Variants in GRIP1 observed in about 807,000 individuals in gnomAD.
GRIP1 encodes glutamate receptor interacting protein 1.
In GRIP1, 45 loss-of-function variants were observed where a neutral mutation model predicts 129.9. That is an observed-to-expected ratio of 0.35 (90% CI 0.27 to 0.44). The LOEUF (loss-of-function observed/expected upper bound fraction) is 0.44, where lower values mean the gene tolerates loss of function less well. Ranked by LOEUF, GRIP1 falls within the 20% of genes least tolerant of loss-of-function variation. The pLI, the probability that GRIP1 is intolerant of heterozygous loss-of-function variation, is 1.00. For missense variants in GRIP1, 1,196 were observed against 1,396.8 expected (o/e 0.86, Z 2.29); for synonymous variants, 530 against 520.8 (o/e 1.02, Z -0.24).
At chr12:66,843,636 T>G (rs971724711) in intron 1 of GRIP1, among the ~76,000 whole-genome samples, 2 of 152,122 alleles carry the variant, frequency 1.3e-5, no homozygotes, top group Admixed American at 6.5e-5. Context: ...GAATAAGGAA[T>G]GCCCAAATAA....
intron 1 of GRIP1, among the ~76,000 whole-genome samples, chr12:66,611,374 C>T (rs2064785273): frequency 6.6e-6 from 1 of 152,118 alleles, no homozygotes. Flanking sequence ...TGTCAAATAT[C>T]TACAAACCTA....
intron 7 of GRIP1, among the ~76,000 whole-genome samples, chr12:66,491,334 C>T (rs2060098512): frequency 6.6e-6 from 1 of 152,062 alleles, no homozygotes; most frequent in African/African-American, 2.4e-5. Context: ...GAGTTGGAAG[C>T]CATTATCCTC....
At chr12:66,945,359 C>A (rs1286726920) in intron 1 of GRIP1, among the ~76,000 whole-genome samples, 6 of 152,120 alleles carry the variant, frequency 3.9e-5, no homozygotes, top group African/African-American at 1.2e-4. Context: ...CCTGCACTAA[C>A]CTGTTCTTGT....
intron 1 of GRIP1, among the ~76,000 whole-genome samples, chr12:66,838,187 T>C (rs1292413516): frequency 7.3e-6 from 1 of 137,522 alleles, no homozygotes; most frequent in Non-Finnish European, 1.5e-5. Context: ...AGACTCCACC[T>C]AAAAAAAAAA....
chr12:66,832,724 C>A (rs1793015934), intron 1 of GRIP1, among the ~76,000 whole-genome samples: 1 of 152,048 alleles, frequency 6.6e-6, no homozygotes, highest in Admixed American at 6.6e-5. Flanking sequence ...TTTCTCTGGC[C>A]TTAGGCAAAT....
Position 66,725,319 on chromosome 12 carries a change from C to T in GRIP1, c.-420+78734G>A, listed in dbSNP as rs1487755125. Among the ~76,000 whole-genome samples, 9 of 151,584 alleles carry T rather than the reference C, an allele frequency of 5.9e-5. No homozygotes were observed. The South Asian group carries it at 1.3e-3, about 21-fold the overall frequency. The stretch of plus-strand genomic sequence containing the variant: ...GCCTGTCTCAAAAAAACACAAAAAT[C>T]GAAAACAAACAAAAATAAAAGTAAT... On this transcript the variant is annotated intron_variant, in intron 1 of 4. Coordinates refer to the GRIP1 transcript ENST00000538373.
intron 15 of GRIP1, among the ~76,000 whole-genome samples, chr12:66,407,665 G>A (rs2057243436): frequency 6.6e-6 from 1 of 152,202 alleles, no homozygotes; most frequent in East Asian, 1.9e-4. Context: ...CCTAGGCAGA[G>A]GGGAATCACC....
chr12:66,449,644 G>A (rs965855447), intron 11 of GRIP1, among the ~76,000 whole-genome samples: 12 of 152,196 alleles, frequency 7.9e-5, no homozygotes, highest in African/African-American at 2.9e-4. Flanking sequence ...TTTCGCTGAT[G>A]TAGAGTGTAC....
intron 1 of GRIP1, among the ~76,000 whole-genome samples, chr12:66,694,005 T>C (rs936176309): frequency 6.6e-6 from 1 of 152,192 alleles, no homozygotes; most frequent in African/African-American, 2.4e-5. Flanking sequence ...TCTCCAGATT[T>C]CTTAGCACTC....
chr12:66,864,199 T>G (rs1441665282), intron 1 of GRIP1, among the ~76,000 whole-genome samples: 1 of 152,160 alleles, frequency 6.6e-6, no homozygotes, highest in Non-Finnish European at 1.5e-5. Flanking sequence ...TTTCTCTTTT[T>G]CTTCTTTAAA....
chr12:66,826,937 A>T (rs1592882533), intron 1 of GRIP1, among the ~76,000 whole-genome samples: 1 of 152,256 alleles, frequency 6.6e-6, no homozygotes, highest in South Asian at 2.1e-4. Context: ...AATCAATAAT[A>T]TACATCCAAA....
intron 1 of GRIP1, among the ~76,000 whole-genome samples, chr12:66,910,147 C>G (rs1327026317): frequency 6.6e-6 from 1 of 152,138 alleles, no homozygotes; most frequent in Non-Finnish European, 1.5e-5. Context: ...TGTTTGGAAG[C>G]AAGACTTAGG....
intron 1 of GRIP1, among the ~76,000 whole-genome samples, chr12:66,921,873 T>TCTAATTTTTAACTTCTC (rs1287073787): frequency 4.6e-5 from 7 of 152,332 alleles, no homozygotes; most frequent in African/African-American, 1.4e-4. Context: ...TTTAACTTCT[T>TCTAATTTTTAACTTCTC]CTAATCTTTA....
rs1222985472 is a variant in GRIP1, at chr12:66,840,428, G to GT, written c.58+228621dup. 3.3e-5 allele frequency among the ~76,000 whole-genome samples: 5 copies of GT among 152,156 alleles called. No homozygotes were observed. The East Asian group carries it at 5.8e-4, about 18-fold the overall frequency. ...TGCTGGGGAATGACTACAAAACAAC[G>GT]TAAGAGGCAACTTTTAAAAAAGAAA... On this transcript the variant is annotated intron_variant, in intron 1 of 1. Coordinates refer to the GRIP1 transcript ENST00000643019.
chr12:66,467,674 C>T (rs2059324769), intron 7 of GRIP1, among the ~76,000 whole-genome samples: 1 of 152,210 alleles, frequency 6.6e-6, no homozygotes, highest in East Asian at 1.9e-4. Flanking sequence ...AATATGATGC[C>T]TCTGGCTCCA....
intron 1 of GRIP1, among the ~76,000 whole-genome samples, chr12:66,685,616 A>T (rs1209688277): frequency 1.3e-5 from 2 of 152,176 alleles, no homozygotes; most frequent in Non-Finnish European, 2.9e-5. Context: ...AAGGAAAGAA[A>T]CACAGCTACT....
chr12:66,369,054 G>A (rs2055318938), intron 23 of GRIP1, among the ~76,000 whole-genome samples: 1 of 152,202 alleles, frequency 6.6e-6, no homozygotes, highest in Non-Finnish European at 1.5e-5. Flanking sequence ...GGCTTACAAT[G>A]TCTAGGACAC....
At chr12:66,481,199 C>T (rs1220090395) in intron 7 of GRIP1, among the ~76,000 whole-genome samples, 2 of 148,230 alleles carry the variant, frequency 1.3e-5, no homozygotes, top group African/African-American at 5.0e-5. Flanking sequence ...ATCAATCCAT[C>T]TGACAAAGGG....
chr12:66,548,604 G>A (rs566121833), intron 2 of GRIP1, among the ~76,000 whole-genome samples: 175 of 152,302 alleles, frequency 1.1e-3, no homozygotes, highest in African/African-American at 4.0e-3. Flanking sequence ...CTATGTGGAT[G>A]ACATGGACAC....
Sources: gnomAD v4.1 joint callset for allele counts (sites outside exome capture counted in the v4.1 genomes callset) on GRCh38, gnomAD v4.1.1 for gene constraint, MANE v1.5 for transcripts, NCBI Gene and HGNC (gene_info 2026-07-23, HGNC 2026-07-21) for gene names.